The following PRDM11 variants were observed in gnomAD, a reference collection of about 807,000 sequenced individuals.
The protein encoded by PRDM11 is PR domain-containing protein 11.
In PRDM11, 20 loss-of-function variants were observed where a neutral mutation model predicts 97.8. The ratio of observed to expected loss-of-function variants is 0.20; its 90% CI spans 0.14 to 0.30. The LOEUF is 0.30. PRDM11 is among the 10% of genes least tolerant of loss of function. The probability of loss-of-function intolerance (pLI) is 1.00; values close to 1 mark genes in which losing one functional copy is unlikely to be tolerated. For missense variants in PRDM11, 1,139 were observed against 1,555.2 expected, an observed-to-expected ratio of 0.73 and a Z score of 4.50; for synonymous variants, 599 against 637.7, an observed-to-expected ratio of 0.94 and a Z score of 0.91.
At chr11:45,147,371 C>G (rs901110769) in intron 1 of PRDM11, 3 of 152,114 alleles carry the variant, frequency 2.0e-5, no homozygotes, top group Non-Finnish European at 4.4e-5. Flanking sequence ...CGGCCCCGCG[C>G]CGGGGGCTGC....
rs1854453563 is a variant in PRDM11 at position 45,234,039 on chromosome 11, C to T, written c.*5880C>T. On this transcript the variant is annotated 3_prime_UTR_variant, in exon 8 of 8. Transcript: ENST00000683152. Reference sequence around the variant, plus strand: ...TGAGCTGGGATACCCCAAGCTCATCCACTTTCGTTGGGGAGGGCCCCTCCC... The same window carrying T: ...TGAGCTGGGATACCCCAAGCTCATCTACTTTCGTTGGGGAGGGCCCCTCCC... 6.6e-6 allele frequency: 1 copy of T among 152,298 alleles called. No homozygotes were observed. Among genetic ancestry groups the T allele is most frequent in the African/African-American group, 2.4e-5 (1 of 41,466 alleles). 9.4% of individuals were successfully genotyped at this position (152,298 alleles called of 1,614,324 possible).
intron 1 of PRDM11, among the ~76,000 whole-genome samples, chr11:45,113,356 CT>C (rs1387045134): frequency 6.6e-6 from 1 of 152,148 alleles, no homozygotes; most frequent in African/African-American, 2.4e-5. Flanking sequence ...TAACTATAGC[CT>C]TATAATATAG....
rs974657757 is a variant in PRDM11 at position 45,230,662 on chromosome 11, G to A, written c.*2503G>A. ...GATGGCTAGCAAGACAGGGCTTGGT[G>A]AGGGCAGAAACAGTAGGTTGAGATC... On this transcript the variant is annotated 3_prime_UTR_variant, in exon 8 of 8. Transcript: ENST00000683152. The A allele has an allele frequency of 1.3e-5, 2 of 152,310 alleles. No homozygotes were observed. Among genetic ancestry groups the A allele is most frequent in the Non-Finnish European group, 2.9e-5 (2 of 68,102 alleles). 9.4% of individuals were successfully genotyped at this position (152,310 alleles called of 1,614,324 possible).
At chr11:45,133,693 G>A (rs1852769748) in intron 1 of PRDM11, among the ~76,000 whole-genome samples, 1 of 152,180 alleles carries the variant, frequency 6.6e-6, no homozygotes, top group South Asian at 2.1e-4. Flanking sequence ...GGCATGTGCA[G>A]CACTAATGAT....
intron 5 of PRDM11, chr11:45,214,005 A>G (rs1853876481): frequency 6.1e-6 from 2 of 326,538 alleles, no homozygotes; most frequent in South Asian, 5.1e-5. Flanking sequence ...TTAGCAGGTG[A>G]TTCTCCCACC....
chr11:45,215,633 T>C lies in PRDM11; in HGVS notation c.555-3937T>C, dbSNP rs555868893. On this transcript the variant is annotated intron_variant, in intron 5 of 7. Transcript: ENST00000683152. ...ATGGAAAAGATTTTCAGTTTCTGTT[T>C]CTTGGCTTCAGTGGGGATTGTTGGG... 5.9e-5 allele frequency among the ~76,000 whole-genome samples: 9 copies of C among 152,324 alleles called. No individual in the cohort carries two copies. In the South Asian group the frequency reaches 1.7e-3, roughly 28 times the overall value.
chr11:45,175,879 ATTTGT>A (rs1216677172), intron 1 of PRDM11, among the ~76,000 whole-genome samples: 2 of 152,108 alleles, frequency 1.3e-5, no homozygotes, highest in Non-Finnish European at 2.9e-5. Flanking sequence ...AATGATATTT[ATTTGT>A]TTTAATTTGT....
intron 1 of PRDM11, among the ~76,000 whole-genome samples, chr11:45,159,556 C>T (rs1458691337): frequency 6.6e-6 from 1 of 152,216 alleles, no homozygotes; most frequent in Non-Finnish European, 1.5e-5. Context: ...TGTGGGACAT[C>T]AGGGACTTAG....
upstream of PRDM11, among the ~76,000 whole-genome samples, chr11:45,095,175 C>T (rs56853814): frequency 3.9e-5 from 6 of 152,276 alleles, no homozygotes; most frequent in East Asian, 1.2e-3. Context: ...CTGCCTCCCC[C>T]AAAAGAAGGT....
intron 4 of PRDM11, among the ~76,000 whole-genome samples, chr11:45,200,414 C>T (rs1853286135): frequency 6.6e-6 from 1 of 152,236 alleles, no homozygotes; most frequent in East Asian, 1.9e-4. Flanking sequence ...TGACTGTTCA[C>T]TGAGTGTCTT....
chr11:45,128,615 T>TA (rs1256734121), intron 1 of PRDM11, among the ~76,000 whole-genome samples: 2 of 145,658 alleles, frequency 1.4e-5, no homozygotes, highest in South Asian at 2.1e-4. Context: ...ATAAAAAAAG[T>TA]AAAAAATACT....
At position 45,195,649 on chromosome 11, in the gene PRDM11, C is replaced by T. The variant is rs1370204934; in HGVS notation, c.487-9062C>T. ...AATGCAGTAGCTCGATCTTGGCTCA[C>T]TGCAGCCTCTGTCTCCCAGGTTCAA... On this transcript the variant is annotated intron_variant, in intron 4 of 7. Coordinates refer to ENST00000683152, the MANE Select transcript of PRDM11 (RefSeq NM_001384648.1). 7.2e-5 allele frequency among the ~76,000 whole-genome samples: 11 copies of T among 152,100 alleles called. No homozygotes were observed. The East Asian group carries it at 2.1e-3, about 29-fold the overall frequency.
intron 1 of PRDM11, among the ~76,000 whole-genome samples, chr11:45,158,178 C>A (rs1184570769): frequency 6.6e-6 from 1 of 152,234 alleles, no homozygotes; most frequent in Non-Finnish European, 1.5e-5. Flanking sequence ...TCTGTCACAG[C>A]CTCCTGTCCC....
chr11:45,095,835 C>T (rs749414374), exon 1 of PRDM11: 2 of 776,066 alleles, frequency 2.6e-6, no homozygotes, highest in South Asian at 1.4e-5. Flanking sequence ...CAATTGCATC[C>T]CTGATGATCG....
intron 1 of PRDM11, among the ~76,000 whole-genome samples, chr11:45,123,002 CTGT>C (rs969365029): frequency 3.3e-5 from 5 of 152,218 alleles, no homozygotes; most frequent in Admixed American, 1.3e-4. Context: ...TCTCCAGCAC[CTGT>C]TGTTTCCTGA....
chr11:45,161,024 A>T (rs1851914982), intron 1 of PRDM11, among the ~76,000 whole-genome samples: 1 of 152,176 alleles, frequency 6.6e-6, no homozygotes, highest in African/African-American at 2.4e-5. Context: ...CTCTGGAGTC[A>T]TAATGCCGCA....
In PRDM11 at chr11:45,227,502, C is replaced by A. The variant is rs1333886064; in HGVS notation, c.2877C>A (p.Ile959=). The A allele has an allele frequency of 3.9e-6, 6 of 1,533,860 alleles. No homozygotes were observed. The change falls in exon 8 of 8, where the codon ATC becomes ATA. Residue 959 remains isoleucine (I), a synonymous_variant. Coordinates refer to ENST00000683152, the MANE Select transcript of PRDM11 (RefSeq NM_001384648.1). This position sits in a 1 kb window ranked among gnomAD's most constrained non-coding sequence, Gnocchi z 8.0. ...LRVAEAKFQS[I]REKICQKTQV... ...TGGCTGAAGCCAAGTTCCAGTCCAT[C>A]AGGGAGAAGATCTGCCAGAAGACCC...
intron 4 of PRDM11, among the ~76,000 whole-genome samples, chr11:45,188,011 C>G (rs1323511908): frequency 1.3e-5 from 2 of 151,958 alleles, no homozygotes; most frequent in Admixed American, 1.3e-4. Flanking sequence ...AAATAAACTG[C>G]CCTCATTTGT....
chr11:45,180,668 C>T (rs1852453882), intron 1 of PRDM11, among the ~76,000 whole-genome samples: 1 of 150,210 alleles, frequency 6.7e-6, no homozygotes, highest in African/African-American at 2.4e-5. Context: ...CCGGGCCTGG[C>T]GGGCGGGGGG....
Sources: gnomAD v4.1 joint callset for allele counts (sites outside exome capture counted in the v4.1 genomes callset) on GRCh38, gnomAD v4.1.1 for gene constraint, Gnocchi (gnomAD v3.1) non-coding constraint, MANE v1.5 for transcripts, NCBI Gene and HGNC (gene_info 2026-07-23, HGNC 2026-07-21) for gene names.